The following PARD3B variants were observed in gnomAD, a reference collection of about 807,000 sequenced individuals.
PARD3B encodes par-3 family cell polarity regulator beta, also known as partitioning defective 3 homolog B.
In PARD3B, 103 loss-of-function variants were observed where a neutral mutation model predicts 130.2. That is an observed-to-expected ratio of 0.79 (90% CI 0.67 to 0.93). The LOEUF (loss-of-function observed/expected upper bound fraction) is 0.93. Ranked by LOEUF, PARD3B falls within the 40% of genes least tolerant of loss-of-function variation. PARD3B has a pLI of 0.00. For synonymous variants in PARD3B, 583 were observed against 553.2 expected, an observed-to-expected ratio of 1.05 and a Z score of -0.76; for missense variants, 1,609 against 1,499.2, an observed-to-expected ratio of 1.07 and a Z score of -1.21.
intron 2 of PARD3B, among the ~76,000 whole-genome samples, chr2:204,725,101 G>C (rs538917275): frequency 1.3e-5 from 2 of 152,134 alleles, no homozygotes; most frequent in Non-Finnish European, 2.9e-5. Context: ...GATTGAATTT[G>C]AGGAAAGACA....
chr2:205,605,765 G>T (rs1178582902), intron 22 of PARD3B, among the ~76,000 whole-genome samples: 1 of 151,760 alleles, frequency 6.6e-6, no homozygotes, highest in East Asian at 1.9e-4. Context: ...TGCTCTGGCT[G>T]CCCCTTGGCG....
intron 3 of PARD3B, among the ~76,000 whole-genome samples, chr2:204,983,156 G>T (rs188085537): frequency 6.6e-6 from 1 of 152,170 alleles, no homozygotes; most frequent in East Asian, 1.9e-4. Flanking sequence ...TGAACTGTTG[G>T]TATAGCCAAT....
chr2:204,676,502 C>T (rs2036550517), intron 1 of PARD3B, among the ~76,000 whole-genome samples: 1 of 151,978 alleles, frequency 6.6e-6, no homozygotes, highest in African/African-American at 2.4e-5. Flanking sequence ...CTTTGAGGTT[C>T]TAGGTGCTGT....
intron 2 of PARD3B, among the ~76,000 whole-genome samples, chr2:204,874,968 C>T (rs548092423): frequency 4.8e-4 from 73 of 152,218 alleles, no homozygotes; most frequent in South Asian, 2.1e-3. Context: ...TCAGTTTATT[C>T]GTTCTCTTCT....
At chr2:205,611,529 C>A (rs922448114) in intron 22 of PARD3B, among the ~76,000 whole-genome samples, 2 of 152,132 alleles carry the variant, frequency 1.3e-5, no homozygotes, top group African/African-American at 4.8e-5. Flanking sequence ...ATATCTTTGT[C>A]GTGTTCAGAC....
At chr2:204,667,722 A>T (rs2036089893) in intron 1 of PARD3B, among the ~76,000 whole-genome samples, 1 of 152,160 alleles carries the variant, frequency 6.6e-6, no homozygotes, top group Non-Finnish European at 1.5e-5. Flanking sequence ...AAATAGTGAA[A>T]AAGGCAGTCA....
intron 18 of PARD3B, among the ~76,000 whole-genome samples, chr2:205,313,481 C>A (rs187864902): frequency 6.6e-6 from 1 of 152,288 alleles, no homozygotes; most frequent in Admixed American, 6.5e-5. Context: ...CTGATTGCTG[C>A]TGCCATGCCT....
At chr2:204,994,884 C>G (rs891510327) in intron 3 of PARD3B, among the ~76,000 whole-genome samples, 3 of 151,836 alleles carry the variant, frequency 2.0e-5, no homozygotes, top group African/African-American at 7.3e-5. Flanking sequence ...TCTGTTTAAT[C>G]CGAGACTAGG....
At chr2:204,782,138 C>T (rs2041854451) in intron 2 of PARD3B, among the ~76,000 whole-genome samples, 1 of 152,058 alleles carries the variant, frequency 6.6e-6, no homozygotes, top group Non-Finnish European at 1.5e-5. Flanking sequence ...CACTGGTTTC[C>T]TTATGCCAGA....
intron 2 of PARD3B, among the ~76,000 whole-genome samples, chr2:204,842,554 A>C (rs895452867): frequency 6.6e-6 from 1 of 152,146 alleles, no homozygotes; most frequent in Non-Finnish European, 1.5e-5. Flanking sequence ...TCTCTAATAA[A>C]TAAATTTCTT....
intron 15 of PARD3B, among the ~76,000 whole-genome samples, chr2:205,206,033 C>T (rs1012617446): frequency 6.6e-6 from 1 of 152,090 alleles, no homozygotes; most frequent in Non-Finnish European, 1.5e-5. Context: ...ATCAGCTCCT[C>T]TTTGTACCTC....
chr2:204,589,016 T>C (rs1171548273), intron 1 of PARD3B, among the ~76,000 whole-genome samples: 3 of 152,028 alleles, frequency 2.0e-5, no homozygotes, highest in Non-Finnish European at 4.4e-5. Flanking sequence ...GTGATAAAAA[T>C]TTTGATGTTA....
intron 1 of PARD3B, among the ~76,000 whole-genome samples, chr2:204,556,691 A>G (rs950820752): frequency 2.6e-5 from 4 of 152,296 alleles, no homozygotes; most frequent in African/African-American, 7.2e-5. Context: ...AGGGATTTTC[A>G]TGCTGTCTTA....
rs990337430 is a variant in PARD3B at position 205,346,104 on chromosome 2, G to A, written c.2630+44403G>A. ...GGGAAATCTCTTGAACTCGGGAGGC[G>A]AAGGTTGCAGTGAGCCGAGATCCCG... On this transcript the variant is annotated intron_variant, in intron 18 of 22. Transcript: ENST00000406610. Among the ~76,000 whole-genome samples the A allele has an allele frequency of 1.8e-3, 265 of 147,040 alleles. 2 individuals carry two copies. Among genetic ancestry groups the A allele is most frequent in the African/African-American group, 6.0e-3 (246 of 40,980 alleles).
intron 20 of PARD3B, among the ~76,000 whole-genome samples, chr2:205,487,904 G>A (rs1275677942): frequency 6.6e-6 from 1 of 152,162 alleles, no homozygotes; most frequent in Non-Finnish European, 1.5e-5. Context: ...GTGCGTATTA[G>A]TGTTATCATT....
At chr2:204,885,119 T>C (rs954730014) in intron 2 of PARD3B, among the ~76,000 whole-genome samples, 9 of 152,238 alleles carry the variant, frequency 5.9e-5, no homozygotes, top group African/African-American at 2.2e-4. Context: ...TTCCTTTTGC[T>C]CTGCAACCTT....
chr2:205,145,676 C>T (rs1441613511), intron 10 of PARD3B, among the ~76,000 whole-genome samples: 1 of 152,210 alleles, frequency 6.6e-6, no homozygotes, highest in Non-Finnish European at 1.5e-5. Context: ...GGCACCATTG[C>T]TTTAAGTGTA....
chr2:205,068,316 T>A (rs953455437), intron 4 of PARD3B, among the ~76,000 whole-genome samples: 1 of 151,778 alleles, frequency 6.6e-6, no homozygotes, highest in Non-Finnish European at 1.5e-5. Flanking sequence ...GATTTCAAAG[T>A]AATCTACACT....
intron 21 of PARD3B, among the ~76,000 whole-genome samples, chr2:205,549,953 C>A (rs1041976778): frequency 6.6e-6 from 1 of 152,076 alleles, no homozygotes; most frequent in Non-Finnish European, 1.5e-5. Context: ...AAACTAGTTT[C>A]TTTTTAAAAA....
Sources: allele counts gnomAD v4.1 joint callset (sites outside exome capture counted in the v4.1 genomes callset), GRCh38; gene constraint gnomAD v4.1.1; transcripts MANE v1.5; gene names NCBI Gene and HGNC (gene_info 2026-07-23, HGNC 2026-07-21).